SCAI: variants seen among roughly 807,000 people sequenced by gnomAD.
SCAI encodes the protein protein SCAI.
SCAI carries 24 observed loss-of-function variants against 92.2 expected under a neutral mutation model. That is an observed-to-expected ratio of 0.26 (90% CI 0.19 to 0.37). SCAI has a LOEUF of 0.37. Among genes scored for constraint, SCAI ranks in the 10% least tolerant of loss-of-function variants. The pLI, the probability that SCAI is intolerant of heterozygous loss-of-function variation, is 1.00. For missense variants in SCAI, 450 were observed against 736.2 expected, an observed-to-expected ratio of 0.61 and a Z score of 4.50; for synonymous variants, 261 against 258.6, an observed-to-expected ratio of 1.01 and a Z score of -0.09.
At position 124,972,306 on chromosome 9, in the gene SCAI, T is replaced by C. The variant is rs560873432; in HGVS notation, c.1400-462A>G. On this transcript the variant is annotated intron_variant, in intron 15 of 17. Coordinates refer to ENST00000336505, the MANE Select transcript of SCAI (RefSeq NM_001144877.3). ...CTGCTCTCACTCCCATGATTTTAGT[T>C]ACCATTTATATGCCTACAAATTTCT... Among the ~76,000 whole-genome samples, 8 of 152,324 alleles carry C rather than the reference T, an allele frequency of 5.3e-5. No individual in the cohort carries two copies. In the South Asian group the frequency reaches 1.7e-3, roughly 32 times the overall value.
In SCAI at chr9:124,944,466, A is replaced by AT. The variant is rs71374207; in HGVS notation, c.*8340dup. The AT allele has an allele frequency of 0.3, 25,724 of 84,876 alleles. 4,233 individuals are homozygous for AT. Among genetic ancestry groups the AT allele is most frequent in the East Asian group, 0.45 (1,250 of 2,768 alleles). The allele number at this position is 84,876 out of a possible 1,614,324, so 5.3% of individuals were successfully genotyped here. On this transcript the variant is annotated 3_prime_UTR_variant, in exon 18 of 18. Coordinates refer to ENST00000336505, the MANE Select transcript of SCAI (RefSeq NM_001144877.3). ...AGGCGCACACCACCATGCCTGGCTA[A>AT]TTTTTTTTTTTTTTTTTTTTTTTTT...
Position 124,943,897 on chromosome 9 carries a change from C to T in SCAI, c.*8910G>A, listed in dbSNP as rs1588107355. On this transcript the variant is annotated 3_prime_UTR_variant, in exon 18 of 18. Transcript: ENST00000336505. ...CAAAGTAAAAAGTGATTTATAACTG[C>T]TTCATCTGATTCAATGATTAATGAA... 1 of 152,190 alleles carries T rather than the reference C, an allele frequency of 6.6e-6. No homozygotes were observed. The highest frequency in any genetic ancestry group is 1.5e-5 in the Non-Finnish European group (1 of 68,030). The allele number at this position is 152,190 out of a possible 1,614,324, so 9.4% of individuals were successfully genotyped here. A position where few individuals can be genotyped will look rare whatever the true frequency, so the allele number is the denominator to read the frequency against.
chr9:125,052,092 CTAAATGTAAGAGCTAAAAG>C (rs1482861395), intron 3 of SCAI, among the ~76,000 whole-genome samples: 1 of 151,724 alleles, frequency 6.6e-6, no homozygotes, highest in African/African-American at 2.4e-5. Flanking sequence ...GATCACAGAC[CTAAATGTAAGAGCTAAAAG>C]TATAAAACTC....
At chr9:125,097,746 T>A (rs1261318416) in intron 2 of SCAI, among the ~76,000 whole-genome samples, 1 of 151,716 alleles carries the variant, frequency 6.6e-6, no homozygotes, top group East Asian at 1.9e-4. Context: ...GCAAAATGCA[T>A]TCTGGATATT....
intron 9 of SCAI, among the ~76,000 whole-genome samples, chr9:125,007,954 TC>T (rs1487145792): frequency 2.0e-5 from 3 of 152,022 alleles, no homozygotes; most frequent in Middle Eastern, 6.3e-3. Flanking sequence ...CACGCCATTC[TC>T]CTGCCTCAGC....
At chr9:125,066,403 C>T (rs1330038143) in intron 2 of SCAI, among the ~76,000 whole-genome samples, 1 of 152,094 alleles carries the variant, frequency 6.6e-6, no homozygotes, top group Non-Finnish European at 1.5e-5. Flanking sequence ...AGGCTCCATT[C>T]ATGGTAAGTG....
chr9:124,998,227 G>T (rs1234623429), intron 13 of SCAI, among the ~76,000 whole-genome samples: 1 of 152,118 alleles, frequency 6.6e-6, no homozygotes, highest in Non-Finnish European at 1.5e-5. Flanking sequence ...CACTTTGGGA[G>T]GCCGAGGCTA....
chr9:125,115,370 C>CAAAAA (rs58814200), intron 2 of SCAI, among the ~76,000 whole-genome samples: 39 of 52,414 alleles, frequency 7.4e-4, no homozygotes, highest in African/African-American at 2.7e-3. Flanking sequence ...AGACTCTCCT[C>CAAAAA]AAAAAAAAAA....
chr9:124,988,975 T>TA (rs1344406884), intron 14 of SCAI, among the ~76,000 whole-genome samples: 2 of 151,680 alleles, frequency 1.3e-5, no homozygotes, highest in African/African-American at 2.4e-5. Context: ...CCATCTCTAC[T>TA]AAAAAAATAC....
chr9:124,983,805 C>T (rs1831935369), intron 14 of SCAI, among the ~76,000 whole-genome samples: 1 of 152,216 alleles, frequency 6.6e-6, no homozygotes, highest in Non-Finnish European at 1.5e-5. Context: ...TTTTACAGTC[C>T]ATTGTTTTAC....
chr9:125,129,797 A>T (rs747565219), intron 2 of SCAI, among the ~76,000 whole-genome samples: 1 of 151,890 alleles, frequency 6.6e-6, no homozygotes, highest in Non-Finnish European at 1.5e-5. Flanking sequence ...TGCAACCCTA[A>T]TGAATTCATA....
At chr9:125,117,881 G>C (rs117123875) in intron 2 of SCAI, among the ~76,000 whole-genome samples, 1 of 152,034 alleles carries the variant, frequency 6.6e-6, no homozygotes. Context: ...GTTTTGTCTT[G>C]ACTGTGCCAC....
At chr9:125,015,340 AAAAC>A (rs1288929941) in intron 9 of SCAI, among the ~76,000 whole-genome samples, 3 of 152,152 alleles carry the variant, frequency 2.0e-5, no homozygotes, top group Admixed American at 1.3e-4. Flanking sequence ...TTACAAGAAA[AAAAC>A]AAACAACCCC....
At chr9:125,074,671 T>C (rs1230201166) in intron 2 of SCAI, among the ~76,000 whole-genome samples, 5 of 151,834 alleles carry the variant, frequency 3.3e-5, no homozygotes, top group Admixed American at 2.6e-4. Flanking sequence ...TGATCTAATT[T>C]AAATACAAAC....
At position 124,944,589 on chromosome 9, in the gene SCAI, T is replaced by C. The variant is rs1831113214; in HGVS notation, c.*8218A>G. ...ATTGTGCTAAAACACTAAGCAATTT[T>C]TCCTGCAGATTTTTAATTTACCACA... On this transcript the variant is annotated 3_prime_UTR_variant, in exon 18 of 18. Transcript: ENST00000336505. 1 of 151,952 alleles carries C rather than the reference T, an allele frequency of 6.6e-6. No homozygotes were observed. Among genetic ancestry groups the C allele is most frequent in the South Asian group, 2.1e-4 (1 of 4,804 alleles). 9.4% of individuals were successfully genotyped at this position (151,952 alleles called of 1,614,324 possible).
intron 2 of SCAI, among the ~76,000 whole-genome samples, chr9:125,071,835 T>C (rs1055469656): frequency 6.6e-6 from 1 of 152,194 alleles, no homozygotes; most frequent in Non-Finnish European, 1.5e-5. Flanking sequence ...TATTCTGCAT[T>C]TTCTCTAGTG....
At chr9:124,969,705 T>C (rs191798446) in intron 17 of SCAI, among the ~76,000 whole-genome samples, 1 of 152,360 alleles carries the variant, frequency 6.6e-6, no homozygotes, top group East Asian at 1.9e-4. Context: ...TGTAAACTGA[T>C]ACAACCGCTT....
At chr9:125,012,633 T>C (rs372176287) in intron 9 of SCAI, among the ~76,000 whole-genome samples, 1 of 151,854 alleles carries the variant, frequency 6.6e-6, no homozygotes, top group East Asian at 1.9e-4. Context: ...GACAGAAAGT[T>C]AACAAGGATA....
intron 14 of SCAI, among the ~76,000 whole-genome samples, chr9:124,990,208 G>T (rs1832089890): frequency 6.6e-6 from 1 of 151,990 alleles, no homozygotes; most frequent in African/African-American, 2.4e-5. Context: ...TGGAAGCTAG[G>T]CTGGGAGCGG....
Sources: gnomAD v4.1 joint callset for allele counts (sites outside exome capture counted in the v4.1 genomes callset) on GRCh38, gnomAD v4.1.1 for gene constraint, MANE v1.5 for transcripts, NCBI Gene and HGNC (gene_info 2026-07-23, HGNC 2026-07-21) for gene names.